PCYT1B: variants seen among roughly 807,000 people sequenced by gnomAD.
PCYT1B encodes the protein phosphate cytidylyltransferase 1B, choline, also known as choline-phosphate cytidylyltransferase B.
Under a neutral mutation model 26.4 loss-of-function variants are expected in PCYT1B, and 10 were observed. That is an observed-to-expected ratio of 0.38 (90% CI 0.23 to 0.64). The LOEUF (loss-of-function observed/expected upper bound fraction) is 0.64, where lower values mean the gene tolerates loss of function less well. Among genes scored for constraint, PCYT1B ranks in the 30% least tolerant of loss-of-function variants. The pLI is 0.56. For synonymous variants in PCYT1B, 131 were observed against 108.4 expected (o/e 1.21, Z -1.29); for missense variants, 161 against 292.7 (o/e 0.55, Z 3.28).
intron 1 of PCYT1B, among the ~76,000 whole-genome samples, chrX:24,661,494 A>G (rs1045444633): frequency 6.2e-5 from 7 of 112,261 alleles, no homozygotes; most frequent in African/African-American, 2.3e-4. Context: ...TCCTAATAGA[A>G]GTACATGTAC....
chrX:24,587,382 A>AG lies in PCYT1B; in HGVS notation c.487-64dup, dbSNP rs895368773. The stretch of plus-strand genomic sequence containing the variant: ...TGGATGTGCATGTCTGCAGATTTGA[A>AG]GGGGGGAATGGTGACTTCATAATGC... On this transcript the variant is annotated intron_variant, in intron 4 of 7. Coordinates refer to ENST00000379144, the MANE Select transcript of PCYT1B (RefSeq NM_004845.5). 106 of 750,078 alleles carry AG rather than the reference A, an allele frequency of 1.4e-4. 1 individual carries two copies. The highest frequency in any genetic ancestry group is 1.9e-5 in the Non-Finnish European group (9 of 480,460). The allele number at this position is 750,078 out of a possible 1,213,427, so 61.8% of individuals were successfully genotyped here. A position where few individuals can be genotyped will look rare whatever the true frequency, so the allele number is the denominator to read the frequency against.
At chrX:24,584,451 C>T (rs898326110) in intron 5 of PCYT1B, among the ~76,000 whole-genome samples, 8 of 112,221 alleles carry the variant, frequency 7.1e-5, no homozygotes, top group African/African-American at 1.9e-4. Flanking sequence ...CTTCCAAGTC[C>T]GAAGTGTATG....
chrX:24,575,324 GA>G lies in PCYT1B; in HGVS notation c.709-7del. ...TGGAAACGGTACCTCTTCTCCTGGTGAAAGTTTACAGGAAAAAAAAAAACAG... is the reference window on the plus strand; with the variant it reads ...TGGAAACGGTACCTCTTCTCCTGGTGAAGTTTACAGGAAAAAAAAAAACAG... On this transcript the variant is annotated splice_polypyrimidine_tract_variant and splice_region_variant and intron_variant, in intron 6 of 7. Transcript: ENST00000379144. 9.0e-7 allele frequency: 1 copy of G among 1,114,302 alleles called. No individual in the cohort carries two copies. The highest frequency in any genetic ancestry group is 1.2e-6 in the Non-Finnish European group (1 of 841,736). The allele number at this position is 1,114,302 out of a possible 1,213,427, so 91.8% of individuals were successfully genotyped here. A position where few individuals can be genotyped will look rare whatever the true frequency, so the allele number is the denominator to read the frequency against.
chrX:24,604,786 T>C (rs772361386), intron 3 of PCYT1B, among the ~76,000 whole-genome samples: 1 of 111,779 alleles, frequency 8.9e-6, no homozygotes, highest in East Asian at 2.8e-4. Context: ...TGATGCTGTA[T>C]TGTTTTATTT....
intron 1 of PCYT1B, among the ~76,000 whole-genome samples, chrX:24,660,680 A>G (rs1488190263): frequency 9.8e-6 from 1 of 102,210 alleles, no homozygotes; most frequent in Non-Finnish European, 2.0e-5. Context: ...CTCTATCTCA[A>G]AAAAAAAAAA....
At chrX:24,636,348 C>T (rs1310787066) in intron 1 of PCYT1B, among the ~76,000 whole-genome samples, 2 of 112,587 alleles carry the variant, frequency 1.8e-5, no homozygotes, top group African/African-American at 6.4e-5. Flanking sequence ...AACAGTGGCT[C>T]ATGCCTCTAA....
intron 4 of PCYT1B, among the ~76,000 whole-genome samples, chrX:24,588,170 GTGTT>G (rs1168201472): frequency 9.0e-6 from 1 of 111,122 alleles, no homozygotes; most frequent in African/African-American, 3.3e-5. Context: ...GTGTGTGTGT[GTGTT>G]TGTGTGCACA....
At chrX:24,659,369 TA>T (rs1276195999) in intron 1 of PCYT1B, among the ~76,000 whole-genome samples, 2 of 111,196 alleles carry the variant, frequency 1.8e-5, no homozygotes, top group East Asian at 5.6e-4. Flanking sequence ...TAAATCTTCC[TA>T]AAAGTGGCAT....
chrX:24,595,505 G>A (rs1171372866), intron 3 of PCYT1B, among the ~76,000 whole-genome samples: 1 of 110,912 alleles, frequency 9.0e-6, no homozygotes, highest in Admixed American at 9.7e-5. Flanking sequence ...GCCCTGGGTT[G>A]AAGACTGGAG....
chrX:24,570,016 T>C (rs1435051905), intron 7 of PCYT1B, among the ~76,000 whole-genome samples: 1 of 108,826 alleles, frequency 9.2e-6, no homozygotes, highest in Non-Finnish European at 1.9e-5. Context: ...AAACCCCACC[T>C]CTACTAAAAA....
At chrX:24,630,434 C>G (rs186873600) in intron 1 of PCYT1B, among the ~76,000 whole-genome samples, 11 of 109,828 alleles carry the variant, frequency 1.0e-4, no homozygotes, top group African/African-American at 3.0e-4. Flanking sequence ...TAGCTGGGAC[C>G]ACAGGTGCCC....
chrX:24,635,074 A>G (rs909247420), intron 1 of PCYT1B, among the ~76,000 whole-genome samples: 9 of 112,575 alleles, frequency 8.0e-5, no homozygotes, highest in South Asian at 3.6e-4. Context: ...CATCCAGAAC[A>G]TGAAGATAAA....
chrX:24,671,489 C>A (rs373219352), intron 1 of PCYT1B, among the ~76,000 whole-genome samples: 5 of 111,065 alleles, frequency 4.5e-5, no homozygotes, highest in African/African-American at 1.6e-4. Context: ...ACCAACTGGG[C>A]GAAATGATCA....
At chrX:24,646,368 C>G (rs1434928782) in intron 1 of PCYT1B, among the ~76,000 whole-genome samples, 5 of 111,721 alleles carry the variant, frequency 4.5e-5, no homozygotes, top group East Asian at 5.6e-4. Context: ...AAATGTAGCT[C>G]CCCAGGTTTC....
At chrX:24,587,469 A>T (rs1924406278) in intron 4 of PCYT1B, 150 bp from the exon 5 acceptor site, 1 of 438,705 alleles carries the variant, frequency 2.3e-6, no homozygotes, top group Non-Finnish European at 4.1e-6. Context: ...CTTGGCTGAA[A>T]TGTATTTCCA....
Position 24,571,565 on chromosome X carries a change from A to G in PCYT1B, c.897+3565T>C, listed in dbSNP as rs757305486. 6.4e-5 allele frequency among the ~76,000 whole-genome samples: 7 copies of G among 110,030 alleles called. No homozygotes were observed. In the East Asian group the frequency reaches 1.4e-3, roughly 23 times the overall value. On this transcript the variant is annotated intron_variant, in intron 7 of 7. Coordinates refer to ENST00000379144, the MANE Select transcript of PCYT1B (RefSeq NM_004845.5). ...TCAGAGATAGCATGTAAGGGCTTCA[A>G]TTTTATATTGGCATCCTTAATGTCA...
intron 1 of PCYT1B, among the ~76,000 whole-genome samples, chrX:24,663,919 A>AAAAACAAAACAAAACAAAAC (rs372746345): frequency 6.0e-4 from 66 of 110,831 alleles, no homozygotes; most frequent in African/African-American, 2.1e-3. Context: ...ATTCCGTCTC[A>AAAAACAAAACAAAACAAAAC]AAAACAAAAC....
intron 1 of PCYT1B, among the ~76,000 whole-genome samples, chrX:24,663,393 G>T (rs1377212447): frequency 8.9e-6 from 1 of 112,307 alleles, no homozygotes; most frequent in Non-Finnish European, 1.9e-5. Flanking sequence ...TGGGGGTTTT[G>T]TGGGGATTAA....
upstream of PCYT1B, among the ~76,000 whole-genome samples, chrX:24,648,449 A>ATTTTTT (rs57744798): frequency 0.016 from 625 of 39,720 alleles, 133 homozygotes; most frequent in East Asian, 0.032. Context: ...ATTTGAAGGA[A>ATTTTTT]TTTTTTTTTT....
Sources: allele counts gnomAD v4.1 joint callset (sites outside exome capture counted in the v4.1 genomes callset), GRCh38; gene constraint gnomAD v4.1.1; transcripts MANE v1.5; gene names NCBI Gene and HGNC (gene_info 2026-07-23, HGNC 2026-07-21).